PRDM16: variants seen among roughly 807,000 people sequenced by gnomAD.
PRDM16 encodes the protein PR/SET domain 16, also known as histone-lysine N-methyltransferase PRDM16.
Under a neutral mutation model 110.6 loss-of-function variants are expected in PRDM16, and 23 were observed. That is an observed-to-expected ratio of 0.21 (90% confidence interval 0.15 to 0.29). The LOEUF is 0.29. Among genes scored for constraint, PRDM16 ranks in the 10% least tolerant of loss-of-function variants. The pLI is 1.00. For synonymous variants in PRDM16, 799 were observed against 781.8 expected (o/e 1.02, Z -0.37); for missense variants, 1,615 against 1,794.3 (o/e 0.90, Z 1.81).
intron 3 of PRDM16, among the ~76,000 whole-genome samples, chr1:3,384,629 C>G (rs779189047): frequency 1.3e-5 from 2 of 152,248 alleles, no homozygotes; most frequent in African/African-American, 2.4e-5. Context: ...GGGTGTCAAA[C>G]TGAAACTCTC....
At chr1:3,234,350 C>T (rs912167494) in intron 2 of PRDM16, among the ~76,000 whole-genome samples, 17 of 152,148 alleles carry the variant, frequency 1.1e-4, no homozygotes, top group Non-Finnish European at 2.9e-5. Flanking sequence ...TGACACGGAG[C>T]CTGCACAAAG....
intron 1 of PRDM16, among the ~76,000 whole-genome samples, chr1:3,073,351 G>A (rs1054392595): frequency 6.6e-6 from 1 of 152,250 alleles, no homozygotes; most frequent in Non-Finnish European, 1.5e-5. Context: ...GGTAATTAAG[G>A]TGATGTATAA....
intron 2 of PRDM16, among the ~76,000 whole-genome samples, chr1:3,195,026 C>T (rs1381784261): frequency 6.6e-6 from 1 of 152,202 alleles, no homozygotes; most frequent in East Asian, 1.9e-4. Flanking sequence ...CGTCTAAAAC[C>T]GTGAGCGCAC....
chr1:3,327,166 T>C (rs1305372401), intron 3 of PRDM16, among the ~76,000 whole-genome samples: 1 of 152,264 alleles, frequency 6.6e-6, no homozygotes, highest in African/African-American at 2.4e-5. Flanking sequence ...TTCTGAATTG[T>C]CACTTGGCAG....
At chr1:3,381,285 G>A (rs770095725) in intron 3 of PRDM16, among the ~76,000 whole-genome samples, 4 of 152,146 alleles carry the variant, frequency 2.6e-5, no homozygotes, top group African/African-American at 4.8e-5. Flanking sequence ...CCTGGATGGC[G>A]AGGGGCTTGG....
chr1:3,272,452 C>T (rs2455126), intron 3 of PRDM16, among the ~76,000 whole-genome samples: 43,740 of 151,844 alleles, frequency 0.29, 10,098 homozygotes, highest in African/African-American at 0.63. Context: ...GTCCTGGGCA[C>T]GGCGGCTAGA....
chr1:3,316,715 CCAGGAAACAGTGACACGGTGTAGG>C (rs1429944358), intron 3 of PRDM16, among the ~76,000 whole-genome samples: 3 of 142,614 alleles, frequency 2.1e-5, no homozygotes, highest in Admixed American at 8.0e-5. Flanking sequence ...CATAGTGGAG[CCAGGAAACAGTGACACGGTGTAGG>C]CAGGAAACAG....
chr1:3,411,340 G>C (rs111486045), intron 8 of PRDM16, 44 bp from the exon 9 acceptor site: 3 of 1,564,514 alleles, frequency 1.9e-6, no homozygotes, highest in East Asian at 4.5e-5. Context: ...AGGGTTTCCC[G>C]GTCATTTCAT....
intron 2 of PRDM16, among the ~76,000 whole-genome samples, chr1:3,200,219 G>A (rs908432762): frequency 4.6e-5 from 7 of 152,210 alleles, no homozygotes; most frequent in Non-Finnish European, 8.8e-5. Flanking sequence ...GAGGGGCCTG[G>A]GGGTCTGGCC....
chr1:3,368,496 G>A (rs111256595), intron 3 of PRDM16, among the ~76,000 whole-genome samples: 84 of 152,250 alleles, frequency 5.5e-4, no homozygotes, highest in African/African-American at 1.9e-3. Context: ...CAAAGGCCAC[G>A]AACCATGCCT....
rs950033554 is a variant in PRDM16, at chr1:3,290,736, C to T, written c.438+46599C>T. 1.2e-4 allele frequency among the ~76,000 whole-genome samples: 18 copies of T among 152,032 alleles called. No homozygotes were observed. The highest frequency in any genetic ancestry group is 2.4e-4 in the Non-Finnish European group (16 of 68,018). ...TGCAGGGAGTGGAAGAAACTCAAGC[C>T]GGGAGCTGTGGATCCAAAAATATTG... On this transcript the variant is annotated intron_variant, in intron 3 of 16. Coordinates refer to ENST00000270722, the MANE Select transcript of PRDM16 (RefSeq NM_022114.4). This position sits in a 1 kb window ranked among gnomAD's most constrained non-coding sequence, Gnocchi z 4.8.
intron 4 of PRDM16, among the ~76,000 whole-genome samples, chr1:3,394,978 G>T (rs1427629893): frequency 6.6e-6 from 1 of 152,036 alleles, no homozygotes; most frequent in African/African-American, 2.4e-5. Flanking sequence ...CTTACCTGAC[G>T]CCCCATAAGG....
intron 1 of PRDM16, among the ~76,000 whole-genome samples, chr1:3,184,551 A>G (rs897292065): frequency 1.3e-5 from 2 of 152,122 alleles, no homozygotes; most frequent in Non-Finnish European, 2.9e-5. Flanking sequence ...GCTGCTCCCC[A>G]CCTAACACTC....
chr1:3,109,794 G>A (rs1252219105), intron 1 of PRDM16, among the ~76,000 whole-genome samples: 1 of 152,266 alleles, frequency 6.6e-6, no homozygotes, highest in African/African-American at 2.4e-5. Flanking sequence ...TCACCTGAGT[G>A]GCCCATGGAG....
chr1:3,186,214 A>G lies in PRDM16; in HGVS notation c.127A>G (p.Met43Val), dbSNP rs1000779523. ...GGAGGACGAGGCCGAGGACAGTGCC[A>G]TGTCGCCCATCCCCGTGGGGCCACC... ...SAEDEAEDSA[M>V]SPIPVGPPSP... The change falls in exon 2 of 17, where the codon ATG becomes GTG. Residue 43 changes from methionine (M) to valine (V), a missense_variant. Physicochemically the swap from Met to Val is conservative, Grantham distance 21. Coordinates refer to ENST00000270722, the MANE Select transcript of PRDM16 (RefSeq NM_022114.4). 2.4e-5 allele frequency: 39 copies of G among 1,612,786 alleles called. No homozygotes were observed. Among genetic ancestry groups the G allele is most frequent in the Non-Finnish European group, 3.2e-5 (38 of 1,179,968 alleles).
chr1:3,190,404 G>A lies in PRDM16; in HGVS notation c.387+3930G>A, dbSNP rs1195603502. On this transcript the variant is annotated intron_variant, in intron 2 of 16. Transcript: ENST00000270722. The surrounding 1 kb of genome is among the most constrained non-coding windows in gnomAD (Gnocchi z 5.0). ...GGTCGGAAGCCTGCATTCCTTCTAC[G>A]CTGAGGCTGACGCTTTTGGGAGGGC... Among the ~76,000 whole-genome samples the A allele has an allele frequency of 3.9e-5, 6 of 152,168 alleles. No homozygotes were observed. The highest frequency in any genetic ancestry group is 9.7e-5 in the African/African-American group (4 of 41,436).
At chr1:3,084,837 C>A (rs982596142) in intron 1 of PRDM16, among the ~76,000 whole-genome samples, 44 of 152,142 alleles carry the variant, frequency 2.9e-4, no homozygotes, top group Admixed American at 2.1e-3. Flanking sequence ...GGGGGGCAGG[C>A]CAGGGAAGTG....
chr1:3,165,939 A>AGGC (rs1643951228), intron 1 of PRDM16, among the ~76,000 whole-genome samples: 3 of 109,950 alleles, frequency 2.7e-5, no homozygotes, highest in African/African-American at 4.7e-5. Context: ...AGGGACAGGG[A>AGGC]CTCACCTTTT....
chr1:3,434,105 G>A lies in PRDM16; in HGVS notation c.*294G>A. 1 of 386,572 alleles carries A rather than the reference G, an allele frequency of 2.6e-6. No individual in the cohort carries two copies. Among genetic ancestry groups the A allele is most frequent in the Non-Finnish European group, 4.7e-6 (1 of 213,834 alleles). 23.9% of individuals were successfully genotyped at this position (386,572 alleles called of 1,614,324 possible). A position where few individuals can be genotyped will look rare whatever the true frequency, so the allele number is the denominator to read the frequency against. On this transcript the variant is annotated 3_prime_UTR_variant, in exon 17 of 17. Transcript: ENST00000270722. Reference sequence around the variant, plus strand: ...GAGCTGCCTCGCAGAATCAGCCAGTGGGCAGGTGGACGCTCTGCTGAGACA... The same window carrying A: ...GAGCTGCCTCGCAGAATCAGCCAGTAGGCAGGTGGACGCTCTGCTGAGACA...
Sources: gnomAD v4.1 joint callset for allele counts (sites outside exome capture counted in the v4.1 genomes callset) on GRCh38, gnomAD v4.1.1 for gene constraint, Gnocchi (gnomAD v3.1) non-coding constraint, MANE v1.5 for transcripts, NCBI Gene and HGNC (gene_info 2026-07-23, HGNC 2026-07-21) for gene names.